Variants in DNTTIP2 observed in about 807,000 individuals in gnomAD.
The protein encoded by DNTTIP2 is deoxynucleotidyltransferase terminal-interacting protein 2.
DNTTIP2 carries 47 observed loss-of-function variants against 62.4 expected under a neutral mutation model. The ratio of observed to expected loss-of-function variants is 0.75; its 90% confidence interval spans 0.60 to 0.96. The LOEUF (loss-of-function observed/expected upper bound fraction) is 0.96, where lower values mean the gene tolerates loss of function less well. DNTTIP2 is among the 40% of genes least tolerant of loss of function. The pLI is 0.00. For synonymous variants in DNTTIP2, 322 were observed against 300.9 expected (o/e 1.07, Z -0.73); for missense variants, 870 against 849.1 (o/e 1.02, Z -0.31).
In DNTTIP2 at chr1:93,877,008, C is replaced by A. The variant is rs3747965; in HGVS notation, c.927G>T (p.Glu309Asp). Residue 309 changes from glutamate to aspartate, a missense_variant, in exon 2 of 7, where the codon GAG becomes GAT. Physicochemically the swap from Glu to Asp is conservative, Grantham distance 45 (BLOSUM62 2). Transcript: ENST00000436063. The part of the protein sequence containing the change: ...LDEDANGITD[E>D]GKEINEKSSQ... ...AACTTTTCTCATTAATTTCTTTCCC[C>A]TCATCTGTTATTCCATTGGCATCTT... 553,468 of 1,611,732 alleles carry A rather than the reference C, an allele frequency of 0.34. 99,682 individuals are homozygous for A. Among genetic ancestry groups the A allele is most frequent in the East Asian group, 0.57 (25,703 of 44,840 alleles).
At position 93,877,025 on chromosome 1, in the gene DNTTIP2, T is replaced by G; in HGVS notation, c.910A>C (p.Asn304His). 1 of 1,612,710 alleles carries G rather than the reference T, an allele frequency of 6.2e-7. No individual in the cohort carries two copies. The highest frequency in any genetic ancestry group is 8.5e-7 in the Non-Finnish European group (1 of 1,179,792). The change falls in exon 2 of 7, where the codon AAT becomes CAT. Residue 304 changes from asparagine (N) to histidine (H), a missense_variant. Coordinates refer to ENST00000436063, the MANE Select transcript of DNTTIP2 (RefSeq NM_014597.5). ...QNCKDLDEDANGITDEGKEIN... is the reference protein window; with the variant it reads ...QNCKDLDEDAHGITDEGKEIN... The stretch of plus-strand genomic sequence containing the variant: ...TCTTTCCCCTCATCTGTTATTCCAT[T>G]GGCATCTTCATCCAAATCCTTACAA...
intron 5 of DNTTIP2, 58 bp downstream of exon 5, chr1:93,872,014 A>G (rs1655874711): frequency 6.3e-7 from 1 of 1,580,168 alleles, no homozygotes; most frequent in Non-Finnish European, 8.7e-7. Context: ...AAAGAACACT[A>G]CAGTGCTTTC....
At chr1:93,878,061 C>T (rs1274978607) in intron 1 of DNTTIP2, among the ~76,000 whole-genome samples, 199 bp from the exon 2 acceptor site, 3 of 152,146 alleles carry the variant, frequency 2.0e-5, no homozygotes, top group Non-Finnish European at 4.4e-5. Flanking sequence ...AATCCCAGCA[C>T]TCTGGGAGGC....
At position 93,876,182 on chromosome 1, in the gene DNTTIP2, C is replaced by T. The variant is rs571876540; in HGVS notation, c.1667+86G>A. On this transcript the variant is annotated intron_variant, in intron 2 of 6. Transcript: ENST00000436063. ...CCCAAGGCAGTGATTTTCTCATTCCCCAGGCTAACATTTCATATTTTTATG... is the reference window on the plus strand; with the variant it reads ...CCCAAGGCAGTGATTTTCTCATTCCTCAGGCTAACATTTCATATTTTTATG... 1.1e-5 allele frequency: 11 copies of T among 1,040,840 alleles called. 1 individual carries two copies. The Admixed American group carries it at 2.7e-4, about 26-fold the overall frequency. 64.5% of individuals were successfully genotyped at this position (1,040,840 alleles called of 1,614,324 possible). A position where few individuals can be genotyped will look rare whatever the true frequency, so the allele number is the denominator to read the frequency against.
Position 93,876,403 on chromosome 1 carries a change from G to C in DNTTIP2, c.1532C>G (p.Ala511Gly). ...KNFYLEEEDK[A>G]SEVAIEEEKE... is the part of the protein sequence containing the mutation. ...TTCTTCCTCAATGGCAACCTCACTTGCCTTGTCTTCCTCTTCCAAGTAAAA... is the reference window on the plus strand; with the variant it reads ...TTCTTCCTCAATGGCAACCTCACTTCCCTTGTCTTCCTCTTCCAAGTAAAA... Residue 511 changes from alanine (A) to glycine (G), a missense_variant, in exon 2 of 7, where the codon GCA becomes GGA. Physicochemically the swap from Ala to Gly is moderately conservative, Grantham distance 60 (BLOSUM62 0). Coordinates refer to ENST00000436063, the MANE Select transcript of DNTTIP2 (RefSeq NM_014597.5). 6.2e-7 allele frequency: 1 copy of C among 1,606,482 alleles called. No individual in the cohort carries two copies. The highest frequency in any genetic ancestry group is 1.3e-5 in the African/African-American group (1 of 74,794).
chr1:93,878,016 T>C (rs1278163749), intron 1 of DNTTIP2, 154 bp from the exon 2 acceptor site: 1 of 1,259,560 alleles, frequency 7.9e-7, no homozygotes, highest in African/African-American at 1.5e-5. Flanking sequence ...TTTTAAAAAA[T>C]CAAAATTTGG....
At position 93,872,303 on chromosome 1, in the gene DNTTIP2, T is replaced by G. The variant is rs116444496; in HGVS notation, c.1903-67A>C. The stretch of plus-strand genomic sequence containing the variant: ...AGTATACATTATAATTCATTTCCCC[T>G]GAAGTAACACATACAGAAAATTTTG... On this transcript the variant is annotated intron_variant, in intron 4 of 6. Transcript: ENST00000436063. 2,650 of 1,487,032 alleles carry G rather than the reference T, an allele frequency of 1.8e-3. 36 individuals carry two copies. In the African/African-American group the frequency reaches 0.032, roughly 18 times the overall value. The allele number at this position is 1,487,032 out of a possible 1,614,324, so 92.1% of individuals were successfully genotyped here.
At chr1:93,878,050 T>C (rs531148365) in intron 1 of DNTTIP2, among the ~76,000 whole-genome samples, 188 bp from the exon 2 acceptor site, 8 of 152,196 alleles carry the variant, frequency 5.3e-5, no homozygotes, top group Non-Finnish European at 1.0e-4. Flanking sequence ...CTTACGGCTG[T>C]AATCCCAGCA....
intron 5 of DNTTIP2, 62 bp from the exon 6 acceptor site, chr1:93,870,854 G>T (rs1655838856): frequency 1.3e-6 from 1 of 765,274 alleles, no homozygotes; most frequent in South Asian, 2.5e-5. Context: ...ATACTTCAGT[G>T]TAGCTCTAAT....
chr1:93,871,283 T>G (rs1323052721), intron 5 of DNTTIP2, among the ~76,000 whole-genome samples: 2 of 152,192 alleles, frequency 1.3e-5, no homozygotes, highest in Non-Finnish European at 2.9e-5. Flanking sequence ...AAAGAACATC[T>G]GGTTCCTGCA....
chr1:93,878,246 G>A (rs542102062), intron 1 of DNTTIP2, among the ~76,000 whole-genome samples: 2 of 152,236 alleles, frequency 1.3e-5, no homozygotes, highest in African/African-American at 2.4e-5. Flanking sequence ...AGAAGTTGCA[G>A]TGAGCCGAGG....
rs772835615 is a variant in DNTTIP2, at chr1:93,876,474, T to C, written c.1461A>G (p.Ala487=). The C allele has an allele frequency of 5.6e-6, 9 of 1,613,846 alleles. No individual in the cohort carries two copies. The highest frequency in any genetic ancestry group is 1.3e-5 in the African/African-American group (1 of 74,918). The change falls in exon 2 of 7, where the codon GCA becomes GCG. Residue 487 remains alanine (A), a synonymous_variant. Coordinates refer to ENST00000436063, the MANE Select transcript of DNTTIP2 (RefSeq NM_014597.5). ...CAGGAGTTGTGTCAATTACAAACAA[T>C]GCATTGTCACATGACAGACTTCCTG... The part of the protein sequence containing the change: ...GDTGSLSCDN[A]LFVIDTTPGM...
intron 3 of DNTTIP2, chr1:93,873,474 C>G: frequency 3.2e-6 from 1 of 310,398 alleles, no homozygotes; most frequent in Non-Finnish European, 6.0e-6. Flanking sequence ...TGGTGGCACA[C>G]ACCTGTAGTC....
chr1:93,873,392 G>A (rs1327527802), intron 3 of DNTTIP2, 178 bp from the exon 4 acceptor site: 23 of 406,088 alleles, frequency 5.7e-5, no homozygotes, highest in East Asian at 1.0e-4. Context: ...AGGAGTTTTA[G>A]ACCACCTTGG....
At chr1:93,874,871 G>A (rs1482001694) in intron 3 of DNTTIP2, among the ~76,000 whole-genome samples, 1 of 152,166 alleles carries the variant, frequency 6.6e-6, no homozygotes, top group East Asian at 1.9e-4. Flanking sequence ...AGATCAATAA[G>A]GAAGCCACTG....
chr1:93,878,575 G>T (rs1656075070), intron 1 of DNTTIP2: 1 of 154,590 alleles, frequency 6.5e-6, no homozygotes, highest in Admixed American at 6.4e-5. Context: ...AATCGCCGCC[G>T]CTCCGTTCCC....
At chr1:93,876,191 C>G (rs915379015) in intron 2 of DNTTIP2, 77 bp downstream of exon 2, 2 of 1,142,734 alleles carry the variant, frequency 1.8e-6, no homozygotes, top group African/African-American at 7.1e-5. Flanking sequence ...CCCAGGCTAA[C>G]ATTTCATATT....
chr1:93,873,426 TAAAA>T (rs576358369), intron 3 of DNTTIP2: 1,614 of 212,316 alleles, frequency 7.6e-3, no homozygotes, highest in South Asian at 0.015. Context: ...ACCCTGACTG[TAAAA>T]AAAAAAAAAA....
chr1:93,867,670 T>C lies in DNTTIP2; in HGVS notation c.*2181A>G, dbSNP rs1655754026. 6.6e-6 allele frequency: 1 copy of C among 152,120 alleles called. No homozygotes were observed. Among genetic ancestry groups the C allele is most frequent in the Non-Finnish European group, 1.5e-5 (1 of 68,026 alleles). 9.4% of individuals were successfully genotyped at this position (152,120 alleles called of 1,614,324 possible). A position where few individuals can be genotyped will look rare whatever the true frequency, so the allele number is the denominator to read the frequency against. ...ACCTGTTTCTCAAAAGACTTGCTTA[T>C]TAAAAAGCAAAACATAACTTCATCC... On this transcript the variant is annotated 3_prime_UTR_variant, in exon 7 of 7. Coordinates refer to ENST00000436063, the MANE Select transcript of DNTTIP2 (RefSeq NM_014597.5).
Sources: gnomAD v4.1 joint callset for allele counts (sites outside exome capture counted in the v4.1 genomes callset) on GRCh38, gnomAD v4.1.1 for gene constraint, MANE v1.5 for transcripts, NCBI Gene and HGNC (gene_info 2026-07-23, HGNC 2026-07-21) for gene names.